ARHGEF37: variants seen among roughly 807,000 people sequenced by gnomAD.
ARHGEF37 encodes the protein Rho guanine nucleotide exchange factor (GEF) 37.
A neutral mutation model predicts 71.1 loss-of-function variants in ARHGEF37; 55 were observed. That is an observed-to-expected ratio of 0.77 (90% confidence interval 0.62 to 0.97). ARHGEF37 has a LOEUF of 0.97. ARHGEF37 is among the 50% of genes least tolerant of loss of function. ARHGEF37 has a pLI of 0.00. For missense variants in ARHGEF37, 765 were observed against 836.8 expected, an observed-to-expected ratio of 0.91 and a Z score of 1.06; for synonymous variants, 327 against 350.6, an observed-to-expected ratio of 0.93 and a Z score of 0.75.
At chr5:149,558,522 TAAG>T (rs924156295) in intron 1 of ARHGEF37, among the ~76,000 whole-genome samples, 3 of 151,794 alleles carry the variant, frequency 2.0e-5, no homozygotes, top group African/African-American at 4.8e-5. Flanking sequence ...ACCAAAAAAA[TAAG>T]AAAGAAAGAA....
upstream of ARHGEF37, among the ~76,000 whole-genome samples, chr5:149,577,253 CAT>C: frequency 6.6e-6 from 1 of 152,238 alleles, no homozygotes; most frequent in Admixed American, 6.5e-5. Context: ...ACATTACTGA[CAT>C]GTATTAGGCA....
At chr5:149,580,690 C>G (rs1763089344), upstream of ARHGEF37, among the ~76,000 whole-genome samples, 2 of 152,072 alleles carry the variant, frequency 1.3e-5, no homozygotes, top group Non-Finnish European at 2.9e-5. Flanking sequence ...TAGCGCCTGG[C>G]CCTTAGTAAG....
At chr5:149,612,479 T>C (rs1435761195) in intron 4 of ARHGEF37, among the ~76,000 whole-genome samples, 1 of 152,238 alleles carries the variant, frequency 6.6e-6, no homozygotes, top group East Asian at 1.9e-4. Context: ...AACCTGACTT[T>C]CTTATTTATG....
At chr5:149,552,376 A>G (rs1762690886) in intron 1 of ARHGEF37, among the ~76,000 whole-genome samples, 1 of 151,850 alleles carries the variant, frequency 6.6e-6, no homozygotes, top group African/African-American at 2.4e-5. Context: ...AATCGATCAG[A>G]GAATCAAATT....
intron 8 of ARHGEF37, among the ~76,000 whole-genome samples, chr5:149,620,829 C>CAAA (rs66996935): frequency 5.5e-5 from 8 of 144,826 alleles, no homozygotes; most frequent in African/African-American, 2.1e-4. Flanking sequence ...GACTCCTTCT[C>CAAA]AAAAAAAGAA....
rs539998503 is a variant in ARHGEF37, at chr5:149,627,275, C to T, written c.1660+4C>T. 5.8e-5 allele frequency: 93 copies of T among 1,611,742 alleles called. 1 individual carries two copies. In the South Asian group the frequency reaches 8.7e-4, roughly 15 times the overall value. ...CGCTGGCTGGTGGACACCGGGGGTA[C>T]GTGAGCCTTTGGGAGCCCTTCTTCT... On this transcript the variant is annotated splice_donor_region_variant and intron_variant, in intron 11 of 12. Transcript: ENST00000333677.
intron 1 of ARHGEF37, among the ~76,000 whole-genome samples, chr5:149,566,195 A>C (rs1762896786): frequency 6.6e-6 from 1 of 151,202 alleles, no homozygotes; most frequent in Non-Finnish European, 1.5e-5. Context: ...GACTCATTGA[A>C]CCTTCAAAAA....
intron 3 of ARHGEF37, among the ~76,000 whole-genome samples, chr5:149,606,255 T>A (rs1009375437): frequency 6.6e-6 from 1 of 152,206 alleles, no homozygotes; most frequent in Non-Finnish European, 1.5e-5. Context: ...GATCTCTCTC[T>A]CACACAGCTT....
At chr5:149,598,049 A>G (rs1309681762) in intron 2 of ARHGEF37, 94 bp downstream of exon 2, 2 of 1,425,788 alleles carry the variant, frequency 1.4e-6, no homozygotes, top group African/African-American at 2.9e-5. Context: ...GGCAAGCTTG[A>G]CAGAAAGGAA....
At chr5:149,552,770 G>A (rs1762698712) in intron 1 of ARHGEF37, among the ~76,000 whole-genome samples, 1 of 152,050 alleles carries the variant, frequency 6.6e-6, no homozygotes, top group African/African-American at 2.4e-5. Context: ...GGCGGAGGTT[G>A]CGGTGAGACT....
chr5:149,621,611 G>T (rs1752541758), intron 8 of ARHGEF37, 122 bp from the exon 9 acceptor site: 2 of 891,072 alleles, frequency 2.2e-6, no homozygotes, highest in Admixed American at 2.6e-5. Context: ...CATGCTAAAG[G>T]TCCCAGCTAG....
At chr5:149,623,648 G>A (rs1218129556) in intron 9 of ARHGEF37, among the ~76,000 whole-genome samples, 1 of 152,180 alleles carries the variant, frequency 6.6e-6, no homozygotes, top group Non-Finnish European at 1.5e-5. Context: ...GTCTGCTGGT[G>A]ACAGCTGCCA....
At chr5:149,620,075 A>C (rs1297879569) in intron 7 of ARHGEF37, among the ~76,000 whole-genome samples, 2 of 150,046 alleles carry the variant, frequency 1.3e-5, no homozygotes, top group African/African-American at 4.9e-5. Context: ...TCTGTCTCAA[A>C]AAAAAAAAAA....
intron 7 of ARHGEF37, among the ~76,000 whole-genome samples, chr5:149,620,088 GAAAA>G: frequency 6.8e-6 from 1 of 147,192 alleles, no homozygotes; most frequent in African/African-American, 2.5e-5. Flanking sequence ...AAAAAAAAAA[GAAAA>G]AGAAAAAAAC....
At chr5:149,586,126 C>CT in intron 1 of ARHGEF37, among the ~76,000 whole-genome samples, 1 of 152,202 alleles carries the variant, frequency 6.6e-6, no homozygotes, top group Middle Eastern at 3.4e-3. Context: ...GAATGAAACT[C>CT]TGAGTCATAC....
intron 3 of ARHGEF37, among the ~76,000 whole-genome samples, chr5:149,603,086 C>T (rs1014215035): frequency 2.0e-5 from 3 of 151,978 alleles, no homozygotes; most frequent in Non-Finnish European, 2.9e-5. Flanking sequence ...GCGCCCGCCA[C>T]CACACCCGGT....
intron 4 of ARHGEF37, among the ~76,000 whole-genome samples, chr5:149,615,306 T>TG: frequency 1.4e-5 from 1 of 73,166 alleles, no homozygotes; most frequent in East Asian, 3.0e-4. Flanking sequence ...GCCTAGTTAA[T>TG]TTTTTTTTTT....
intron 1 of ARHGEF37, among the ~76,000 whole-genome samples, chr5:149,561,208 GGTTGCA>G (rs1762825193): frequency 6.6e-6 from 1 of 150,412 alleles, no homozygotes; most frequent in South Asian, 2.1e-4. Flanking sequence ...GGGAGGCAGA[GGTTGCA>G]GTGAGCCGAG....
Position 149,570,339 on chromosome 5 carries a change from C to T in ARHGEF37, c.-12+18216C>T, listed in dbSNP as rs186901029. Among the ~76,000 whole-genome samples, 415 of 149,322 alleles carry T rather than the reference C, an allele frequency of 2.8e-3. 3 individuals carry two copies. The highest frequency in any genetic ancestry group is 3.8e-3 in the Non-Finnish European group (257 of 67,276). ...CTGTAATCCCAGCACTTTGGGAGGC[C>T]GAGGTGGGTGGATCACCTGAGGTCA... On this transcript the variant is annotated intron_variant, in intron 1 of 2. Transcript: ENST00000505810.
Sources: allele counts gnomAD v4.1 joint callset (sites outside exome capture counted in the v4.1 genomes callset), GRCh38; gene constraint gnomAD v4.1.1; transcripts MANE v1.5; gene names NCBI Gene and HGNC (gene_info 2026-07-23, HGNC 2026-07-21).